Variants in BMERB1 observed in about 807,000 individuals in gnomAD.
BMERB1 encodes bMERB domain containing 1, also known as bMERB domain-containing protein 1.
Under a neutral mutation model 23.6 loss-of-function variants are expected in BMERB1, and 12 were observed. The observed-to-expected ratio is 0.51, with a 90% CI of 0.33 to 0.82. The LOEUF is 0.82. BMERB1 is among the 40% of genes least tolerant of loss of function. BMERB1 has a pLI of 0.03. For missense variants in BMERB1, 247 were observed against 255.4 expected (o/e 0.97, Z 0.22); for synonymous variants, 122 against 96.6 (o/e 1.26, Z -1.54).
chr16:15,435,920 CCTTTT>C (rs1567444519), intron 1 of BMERB1, among the ~76,000 whole-genome samples: 1 of 152,058 alleles, frequency 6.6e-6, no homozygotes, highest in Non-Finnish European at 1.5e-5. Context: ...CAACCTCTTT[CCTTTT>C]CTTTTTTTTT....
chr16:15,527,473 C>T (rs375593052), intron 2 of BMERB1, among the ~76,000 whole-genome samples: 33 of 152,202 alleles, frequency 2.2e-4, no homozygotes, highest in African/African-American at 7.7e-4. Context: ...GGCGTGGTGG[C>T]GCACACCTGT....
In BMERB1 at chr16:15,434,774, G is replaced by C. The variant is rs1471117590; in HGVS notation, c.106+15G>C. On this transcript the variant is annotated intron_variant, in intron 1 of 5. Coordinates refer to ENST00000300006, the MANE Select transcript of BMERB1 (RefSeq NM_033201.3). ...ACTGGGGAGAAGTGAGTACTGGGGC[G>C]GGGGGCGGGGGGCCGGGGACAGCTG... 5.4e-6 allele frequency: 3 copies of C among 557,072 alleles called. No homozygotes were observed. The highest frequency in any genetic ancestry group is 3.9e-5 in the East Asian group (1 of 25,858). The allele number at this position is 557,072 out of a possible 1,614,324, so 34.5% of individuals were successfully genotyped here.
intron 1 of BMERB1, among the ~76,000 whole-genome samples, chr16:15,492,043 A>G (rs1308262780): frequency 6.6e-6 from 1 of 152,226 alleles, no homozygotes; most frequent in African/African-American, 2.4e-5. Flanking sequence ...CCCAAATGAC[A>G]TAGGAGGCCA....
chr16:15,463,102 A>T (rs1157929278), intron 1 of BMERB1, among the ~76,000 whole-genome samples: 1 of 150,050 alleles, frequency 6.7e-6, no homozygotes, highest in African/African-American at 2.5e-5. Context: ...TCTTCTGGAG[A>T]CAAGGTCTTG....
At chr16:15,531,457 G>C (rs902463113) in intron 2 of BMERB1, among the ~76,000 whole-genome samples, 1 of 152,116 alleles carries the variant, frequency 6.6e-6, no homozygotes, top group Non-Finnish European at 1.5e-5. Context: ...GATATCTTCA[G>C]GGACCATTCT....
At chr16:15,476,896 A>G (rs1466896376) in intron 1 of BMERB1, among the ~76,000 whole-genome samples, 4 of 152,222 alleles carry the variant, frequency 2.6e-5, no homozygotes, top group Non-Finnish European at 5.9e-5. Flanking sequence ...TGTGGAAGCT[A>G]CAAGACCAGA....
At chr16:15,448,850 G>A (rs1001923961) in intron 1 of BMERB1, among the ~76,000 whole-genome samples, 13 of 152,212 alleles carry the variant, frequency 8.5e-5, no homozygotes, top group Admixed American at 5.9e-4. Context: ...TAGCATCCTC[G>A]CCTTCTGCTT....
At chr16:15,451,803 TG>T (rs2051044853) in intron 1 of BMERB1, among the ~76,000 whole-genome samples, 1 of 145,030 alleles carries the variant, frequency 6.9e-6, no homozygotes, top group Non-Finnish European at 1.5e-5. Context: ...CTTGGACTCC[TG>T]GGCTCAAGTG....
At chr16:15,572,920 A>G (rs570505151) in intron 3 of BMERB1, among the ~76,000 whole-genome samples, 6 of 152,188 alleles carry the variant, frequency 3.9e-5, no homozygotes, top group Non-Finnish European at 5.9e-5. Context: ...CTTTCGCTTG[A>G]TTCTCATTTT....
chr16:15,454,279 T>G (rs2051065909), intron 1 of BMERB1, among the ~76,000 whole-genome samples: 1 of 152,232 alleles, frequency 6.6e-6, no homozygotes, highest in Admixed American at 6.5e-5. Context: ...AAGTCTAATG[T>G]GATTCAGCAA....
intron 2 of BMERB1, among the ~76,000 whole-genome samples, chr16:15,562,620 C>G (rs1053507676): frequency 6.6e-6 from 1 of 152,164 alleles, no homozygotes; most frequent in Non-Finnish European, 1.5e-5. Flanking sequence ...TCCCTGGTCT[C>G]TACCCACTAG....
intron 2 of BMERB1, among the ~76,000 whole-genome samples, chr16:15,557,597 C>G (rs1006366362): frequency 3.9e-5 from 6 of 152,232 alleles, no homozygotes; most frequent in Admixed American, 1.3e-4. Context: ...AACACAGCGT[C>G]CGACGACTAG....
chr16:15,530,432 G>A (rs1033578271), intron 2 of BMERB1, among the ~76,000 whole-genome samples: 1 of 152,112 alleles, frequency 6.6e-6, no homozygotes, highest in African/African-American at 2.4e-5. Context: ...TTTCAGAGAC[G>A]AAGTCTTGCT....
chr16:15,560,662 G>A (rs746133075), intron 2 of BMERB1, among the ~76,000 whole-genome samples: 8 of 151,846 alleles, frequency 5.3e-5, no homozygotes, highest in Non-Finnish European at 1.2e-4. Context: ...GTGTGGTGGC[G>A]CCTCCCTGTA....
intron 1 of BMERB1, among the ~76,000 whole-genome samples, chr16:15,448,728 G>A (rs1177628566): frequency 6.6e-6 from 1 of 152,182 alleles, no homozygotes; most frequent in Non-Finnish European, 1.5e-5. Context: ...GGAGGCAGAG[G>A]TTGCAGTGAG....
intron 3 of BMERB1, among the ~76,000 whole-genome samples, chr16:15,570,163 A>G (rs1466909606): frequency 3.3e-5 from 5 of 152,298 alleles, no homozygotes; most frequent in African/African-American, 7.2e-5. Flanking sequence ...TGTTTTTGCC[A>G]TGCTGTCAGT....
chr16:15,501,166 A>G (rs923924974), intron 1 of BMERB1, among the ~76,000 whole-genome samples: 2 of 151,222 alleles, frequency 1.3e-5, no homozygotes. Flanking sequence ...TTTAAGAGAC[A>G]GGGTCTCGTT....
At chr16:15,463,902 A>G (rs975899141) in intron 1 of BMERB1, among the ~76,000 whole-genome samples, 2 of 152,070 alleles carry the variant, frequency 1.3e-5, no homozygotes, top group African/African-American at 2.4e-5. Flanking sequence ...CTTGAAGCAT[A>G]AAACTATTAC....
At chr16:15,580,737 G>T (rs1006864098) in intron 3 of BMERB1, among the ~76,000 whole-genome samples, 2 of 151,568 alleles carry the variant, frequency 1.3e-5, no homozygotes, top group African/African-American at 4.9e-5. Context: ...AGTAGAGACG[G>T]GGTTCCACCC....
Sources: allele counts gnomAD v4.1 joint callset (sites outside exome capture counted in the v4.1 genomes callset), GRCh38; gene constraint gnomAD v4.1.1; transcripts MANE v1.5; gene names NCBI Gene and HGNC (gene_info 2026-07-23, HGNC 2026-07-21).